The following OTUD7A variants were observed in gnomAD, a reference collection of about 807,000 sequenced individuals.
The protein encoded by OTUD7A is OTU deubiquitinase 7A.
Under a neutral mutation model 65.7 loss-of-function variants are expected in OTUD7A, and 12 were observed. The ratio of observed to expected loss-of-function variants is 0.18; its 90% confidence interval spans 0.12 to 0.30. OTUD7A has a LOEUF of 0.30. OTUD7A is among the 10% of genes least tolerant of loss of function. The probability of loss-of-function intolerance (pLI) is 1.00; values close to 1 mark genes in which losing one functional copy is unlikely to be tolerated. For synonymous variants in OTUD7A, 641 were observed against 586.3 expected, an observed-to-expected ratio of 1.09 and a Z score of -1.35; for missense variants, 1,148 against 1,304.8, an observed-to-expected ratio of 0.88 and a Z score of 1.85.
intron 8 of OTUD7A, among the ~76,000 whole-genome samples, chr15:31,520,114 C>T (rs2041917758): frequency 6.6e-6 from 1 of 152,176 alleles, no homozygotes; most frequent in Non-Finnish European, 1.5e-5. Context: ...TTACCAATGT[C>T]ATTTTTCACA....
intron 1 of OTUD7A, among the ~76,000 whole-genome samples, chr15:31,722,137 T>C (rs1893756643): frequency 6.6e-6 from 1 of 152,146 alleles, no homozygotes; most frequent in African/African-American, 2.4e-5. Context: ...AGCCATGACA[T>C]ACCATAGGGA....
chr15:31,805,151 T>C (rs1426504609), intron 1 of OTUD7A, among the ~76,000 whole-genome samples: 4 of 152,164 alleles, frequency 2.6e-5, no homozygotes, highest in South Asian at 2.1e-4. Flanking sequence ...AGTTTCCCTG[T>C]AGGGTCTAGG....
chr15:31,570,502 C>T (rs1889019546), intron 3 of OTUD7A, among the ~76,000 whole-genome samples: 3 of 149,304 alleles, frequency 2.0e-5, no homozygotes, highest in African/African-American at 7.7e-5. Flanking sequence ...AACACTGCAT[C>T]CCTGATCATC....
At chr15:31,556,881 C>T (rs899684873) in intron 5 of OTUD7A, 4 of 152,220 alleles carry the variant, frequency 2.6e-5, no homozygotes, top group East Asian at 1.9e-4. Flanking sequence ...CATATAGAAG[C>T]GTCTTTAAAA....
intron 1 of OTUD7A, among the ~76,000 whole-genome samples, chr15:31,781,763 C>T (rs1487078163): frequency 1.3e-5 from 2 of 152,216 alleles, no homozygotes; most frequent in African/African-American, 4.8e-5. Flanking sequence ...CACCATCATC[C>T]TATTCAGGGA....
chr15:31,698,887 G>A (rs1893145300), intron 1 of OTUD7A, among the ~76,000 whole-genome samples: 1 of 150,752 alleles, frequency 6.6e-6, no homozygotes, highest in Non-Finnish European at 1.5e-5. Flanking sequence ...TACTCTTTCT[G>A]AGCATCACAT....
intron 4 of OTUD7A, among the ~76,000 whole-genome samples, chr15:31,563,584 A>G (rs924853491): frequency 6.6e-6 from 1 of 152,120 alleles, no homozygotes. Context: ...TGCCTTCCCT[A>G]TCATCCCCTA....
At position 31,674,949 on chromosome 15, in the gene OTUD7A, C is replaced by A. The variant is rs368911488; in HGVS notation, c.-99-17872G>T. 1.7e-3 allele frequency among the ~76,000 whole-genome samples: 264 copies of A among 152,282 alleles called. 2 individuals carry two copies. The highest frequency in any genetic ancestry group is 6.0e-3 in the African/African-American group (251 of 41,568). ...AACACTTGCACCAGCCGTAGACAGT[C>A]CACCCGTGGACTTCTTATTATACTT... On this transcript the variant is annotated intron_variant, in intron 1 of 12. Coordinates refer to ENST00000307050, the MANE Select transcript of OTUD7A (RefSeq NM_001382637.1).
At chr15:31,740,288 C>A (rs1192166312) in intron 1 of OTUD7A, among the ~76,000 whole-genome samples, 2 of 152,136 alleles carry the variant, frequency 1.3e-5, no homozygotes, top group Non-Finnish European at 2.9e-5. Context: ...TGAGGCCTCT[C>A]GGGTTGCCGG....
intron 1 of OTUD7A, among the ~76,000 whole-genome samples, chr15:31,840,552 G>C (rs1897159892): frequency 1.3e-5 from 2 of 152,192 alleles, no homozygotes; most frequent in African/African-American, 4.8e-5. Flanking sequence ...ACACTCTAGA[G>C]GTTATCAAGC....
Position 31,501,686 on chromosome 15 carries a change from A to T in OTUD7A, c.1171+4T>A. On this transcript the variant is annotated splice_donor_region_variant and intron_variant, in intron 10 of 12. Transcript: ENST00000307050. ...GCGTGCACTCTCTTGGGAGACAGGC[A>T]TACCTTGTTCTCTTTGCTGGTCTCT... 6.2e-7 allele frequency: 1 copy of T among 1,614,148 alleles called. No individual in the cohort carries two copies. The highest frequency in any genetic ancestry group is 8.5e-7 in the Non-Finnish European group (1 of 1,180,022).
intron 1 of OTUD7A, among the ~76,000 whole-genome samples, chr15:31,791,009 T>C (rs956021584): frequency 6.6e-6 from 1 of 152,140 alleles, no homozygotes; most frequent in African/African-American, 2.4e-5. Flanking sequence ...CTACAACTAA[T>C]GGTCATCTTT....
intron 1 of OTUD7A, among the ~76,000 whole-genome samples, chr15:31,659,449 C>T (rs559959112): frequency 1.2e-4 from 18 of 152,342 alleles, no homozygotes; most frequent in Non-Finnish European, 4.4e-5. Context: ...GAGGAGGCAC[C>T]TGCCACTGCT....
At chr15:31,740,484 A>T (rs1894312330) in intron 1 of OTUD7A, among the ~76,000 whole-genome samples, 1 of 152,146 alleles carries the variant, frequency 6.6e-6, no homozygotes, top group Non-Finnish European at 1.5e-5. Flanking sequence ...GAGATGAGTC[A>T]GGAGGCCACT....
chr15:31,505,400 G>T (rs566949302), intron 8 of OTUD7A, among the ~76,000 whole-genome samples: 6 of 152,264 alleles, frequency 3.9e-5, no homozygotes, highest in African/African-American at 1.4e-4. Flanking sequence ...AAAGTATACT[G>T]ATTTTTTTAT....
At chr15:31,493,778 T>C (rs2041349235) in intron 10 of OTUD7A, among the ~76,000 whole-genome samples, 1 of 152,180 alleles carries the variant, frequency 6.6e-6, no homozygotes, top group Admixed American at 6.5e-5. Flanking sequence ...GGAAGTCTCA[T>C]GGGAAATTAA....
intron 1 of OTUD7A, among the ~76,000 whole-genome samples, chr15:31,676,450 C>T (rs1010562781): frequency 6.6e-6 from 1 of 152,220 alleles, no homozygotes; most frequent in African/African-American, 2.4e-5. Context: ...AGTTCTTTCT[C>T]CTCCATGAGC....
intron 1 of OTUD7A, among the ~76,000 whole-genome samples, chr15:31,866,301 G>A (rs1452668176): frequency 6.6e-6 from 1 of 152,164 alleles, no homozygotes; most frequent in Non-Finnish European, 1.5e-5. Flanking sequence ...CTGCTGCATG[G>A]CCCACTCCCT....
At chr15:31,798,168 G>A (rs1450809065) in intron 1 of OTUD7A, among the ~76,000 whole-genome samples, 1 of 152,110 alleles carries the variant, frequency 6.6e-6, no homozygotes. Flanking sequence ...ACATGCTAAG[G>A]TATTGGGTAA....
Sources: gnomAD v4.1 joint callset for allele counts (sites outside exome capture counted in the v4.1 genomes callset) on GRCh38, gnomAD v4.1.1 for gene constraint, MANE v1.5 for transcripts, NCBI Gene and HGNC (gene_info 2026-07-23, HGNC 2026-07-21) for gene names.